The following NRG1 variants were observed in gnomAD, a reference collection of about 807,000 sequenced individuals.
NRG1 encodes the protein neuregulin 1, also known as pro-neuregulin-1, membrane-bound isoform.
Under a neutral mutation model 63.8 loss-of-function variants are expected in NRG1, and 18 were observed. The observed-to-expected ratio is 0.28, with a 90% CI of 0.19 to 0.42. The LOEUF is 0.42. Among genes scored for constraint, NRG1 ranks in the 10% least tolerant of loss-of-function variants. The probability of loss-of-function intolerance (pLI) is 1.00; values close to 1 mark genes in which losing one functional copy is unlikely to be tolerated. For synonymous variants in NRG1, 302 were observed against 301.3 expected, an observed-to-expected ratio of 1.00 and a Z score of -0.02; for missense variants, 762 against 814.7, an observed-to-expected ratio of 0.94 and a Z score of 0.79.
chr8:32,186,727 G>A (rs1191149038), intron 1 of NRG1, among the ~76,000 whole-genome samples: 2 of 152,172 alleles, frequency 1.3e-5, no homozygotes, highest in Non-Finnish European at 2.9e-5. Flanking sequence ...TGGAGATTCA[G>A]AGGTACAGTA....
intron 1 of NRG1, among the ~76,000 whole-genome samples, chr8:32,195,384 A>G (rs1281423556): frequency 6.6e-6 from 1 of 151,342 alleles, no homozygotes; most frequent in Non-Finnish European, 1.5e-5. Context: ...GGCTGCAGTT[A>G]GCATTGCTTG....
chr8:32,760,583 T>A, intron 11 of NRG1, 177 bp downstream of exon 11: 35 of 1,412,698 alleles, frequency 2.5e-5, no homozygotes, highest in South Asian at 1.4e-4. Context: ...ACTTATTTCT[T>A]CTGAGCTTCT....
intron 1 of NRG1, among the ~76,000 whole-genome samples, chr8:32,215,742 A>AT (rs796249161): frequency 2.6e-5 from 4 of 152,322 alleles, no homozygotes; most frequent in African/African-American, 9.6e-5. Flanking sequence ...TGGAAGCACC[A>AT]TCGAAAACAT....
chr8:32,480,449 AG>A (rs1489242835), intron 1 of NRG1, among the ~76,000 whole-genome samples: 1 of 150,976 alleles, frequency 6.6e-6, no homozygotes, highest in East Asian at 2.0e-4. Flanking sequence ...AAAAAAAAAA[AG>A]GTTTCAAATG....
At chr8:32,401,806 C>G (rs1396309582) in intron 1 of NRG1, among the ~76,000 whole-genome samples, 1 of 152,174 alleles carries the variant, frequency 6.6e-6, no homozygotes, top group Non-Finnish European at 1.5e-5. Context: ...ACCTGGGTTA[C>G]AAAATAATCT....
intron 5 of NRG1, among the ~76,000 whole-genome samples, chr8:32,637,064 A>G (rs1851474084): frequency 6.6e-6 from 1 of 152,154 alleles, no homozygotes; most frequent in Middle Eastern, 3.2e-3. Flanking sequence ...GAACCCAGAA[A>G]CACCATGAAA....
At chr8:31,781,399 G>A (rs1244617092) in intron 1 of NRG1, among the ~76,000 whole-genome samples, 1 of 152,132 alleles carries the variant, frequency 6.6e-6, no homozygotes, top group Non-Finnish European at 1.5e-5. Context: ...TTATAGTCAT[G>A]ATTTCTTTCA....
intron 1 of NRG1, among the ~76,000 whole-genome samples, chr8:32,352,987 G>A (rs1425442009): frequency 2.7e-5 from 4 of 149,998 alleles, no homozygotes; most frequent in African/African-American, 9.8e-5. Context: ...CAGAGAGAGA[G>A]TAAAGATCTC....
chr8:32,439,722 C>G (rs1387105038), intron 1 of NRG1, among the ~76,000 whole-genome samples: 1 of 151,418 alleles, frequency 6.6e-6, no homozygotes, highest in African/African-American at 2.4e-5. Context: ...AAAATTGAAT[C>G]TACCCTAGAG....
At chr8:32,003,041 T>C (rs1813201426) in intron 1 of NRG1, among the ~76,000 whole-genome samples, 1 of 152,062 alleles carries the variant, frequency 6.6e-6, no homozygotes. Flanking sequence ...CTTTATCAAC[T>C]AGAGAGTTTG....
chr8:32,339,762 C>A (rs1211193853), intron 1 of NRG1, among the ~76,000 whole-genome samples: 1 of 152,172 alleles, frequency 6.6e-6, no homozygotes, highest in Non-Finnish European at 1.5e-5. Flanking sequence ...AATATTGCAA[C>A]CCAGTCAACT....
chr8:32,051,740 A>C (rs943989855), intron 1 of NRG1, among the ~76,000 whole-genome samples: 2 of 152,136 alleles, frequency 1.3e-5, no homozygotes, highest in Non-Finnish European at 2.9e-5. Context: ...CCTGGGCCAC[A>C]AGATGTGAGA....
At chr8:31,800,279 G>C (rs1361750788) in intron 1 of NRG1, among the ~76,000 whole-genome samples, 1 of 152,164 alleles carries the variant, frequency 6.6e-6, no homozygotes, top group African/African-American at 2.4e-5. Context: ...TAGAGCAGGT[G>C]GTGGGGCGAG....
chr8:32,677,166 C>G (rs1360822732), intron 5 of NRG1, among the ~76,000 whole-genome samples: 1 of 151,986 alleles, frequency 6.6e-6, no homozygotes, highest in Non-Finnish European at 1.5e-5. Context: ...TCAAATTTTC[C>G]TCTTCAAACA....
chr8:32,624,860 A>G (rs183539008), intron 5 of NRG1, among the ~76,000 whole-genome samples: 2 of 152,300 alleles, frequency 1.3e-5, no homozygotes, highest in Admixed American at 6.5e-5. Flanking sequence ...AAAAAAATCC[A>G]TGATTGAGGA....
intron 1 of NRG1, among the ~76,000 whole-genome samples, chr8:31,907,899 CCTT>C (rs796432153): frequency 5.3e-5 from 8 of 152,212 alleles, no homozygotes; most frequent in South Asian, 2.1e-4. Flanking sequence ...TCACTGTATG[CCTT>C]CTTCTTTTTA....
intron 1 of NRG1, among the ~76,000 whole-genome samples, chr8:31,802,940 G>A (rs1404694115): frequency 6.6e-6 from 1 of 152,104 alleles, no homozygotes; most frequent in Non-Finnish European, 1.5e-5. Flanking sequence ...AATTAAATGG[G>A]GGAGGTCATC....
At chr8:31,831,379 A>G (rs1212306884) in intron 1 of NRG1, among the ~76,000 whole-genome samples, 8 of 152,144 alleles carry the variant, frequency 5.3e-5, no homozygotes. Context: ...CTGGGATTAC[A>G]AATATGAGCC....
rs572851666 is a variant in NRG1 at position 32,177,820 on chromosome 8, T to C, written c.38-418008T>C. ...TAAATGATTTCCTTATACATCTCTT[T>C]CTGCTTGTGCTATTGAATAATTGAG... On this transcript the variant is annotated intron_variant, in intron 1 of 10. Coordinates refer to the NRG1 transcript ENST00000519301. Among the ~76,000 whole-genome samples, 33 of 152,242 alleles carry C rather than the reference T, an allele frequency of 2.2e-4. 1 individual carries two copies. In the South Asian group the frequency reaches 6.2e-3, roughly 29 times the overall value.
Sources: gnomAD v4.1 joint callset for allele counts (sites outside exome capture counted in the v4.1 genomes callset) on GRCh38, gnomAD v4.1.1 for gene constraint, MANE v1.5 for transcripts, NCBI Gene and HGNC (gene_info 2026-07-23, HGNC 2026-07-21) for gene names.